SCN9A: variants seen among roughly 807,000 people sequenced by gnomAD.
SCN9A encodes the protein sodium voltage-gated channel alpha subunit 9, also known as sodium channel protein type 9 subunit alpha.
Under a neutral mutation model 187.0 loss-of-function variants are expected in SCN9A, and 131 were observed. The ratio of observed to expected loss-of-function variants is 0.70; its 90% CI spans 0.61 to 0.81. The LOEUF (loss-of-function observed/expected upper bound fraction) is 0.81. Among genes scored for constraint, SCN9A ranks in the 30% least tolerant of loss-of-function variants. The probability of loss-of-function intolerance (pLI) is 0.00; values close to 1 mark genes in which losing one functional copy is unlikely to be tolerated. For synonymous variants in SCN9A, 809 were observed against 808.6 expected (o/e 1.00, Z -0.01); for missense variants, 2,252 against 2,396.6 (o/e 0.94, Z 1.26).
At chr2:166,267,957 G>A (rs1696812628) in intron 17 of SCN9A, among the ~76,000 whole-genome samples, 1 of 151,916 alleles carries the variant, frequency 6.6e-6, no homozygotes, top group South Asian at 2.1e-4. Flanking sequence ...ATCCAGAACA[G>A]GCATTTGTAA....
At position 166,253,222 on chromosome 2, in the gene SCN9A, A is replaced by C. The variant is rs74783247; in HGVS notation, c.3352-1337T>G. Among the ~76,000 whole-genome samples, 986 of 151,940 alleles carry C rather than the reference A, an allele frequency of 6.5e-3. 4 individuals are homozygous for C. The highest frequency in any genetic ancestry group is 0.01 in the Non-Finnish European group (711 of 67,842). On this transcript the variant is annotated intron_variant, in intron 17 of 26. Transcript: ENST00000642356. The stretch of plus-strand genomic sequence containing the variant: ...ATGGCATGGATAAAGTATTGTACAT[A>C]AGGAATGATGTAAGCAGACAATGTC...
In SCN9A at chr2:166,280,398, T is replaced by C. The variant is rs1574856821; in HGVS notation, c.2302A>G (p.Met768Val). The change falls in exon 14 of 27, where the codon ATG becomes GTG. Residue 768 changes from methionine to valine, a missense_variant. Met to Val is a conservative substitution (Grantham distance 21). Transcript: ENST00000642356. ...TLFMAMEHHP[M>V]TEEFKNVLAI... ...AGTACATTTTTGAATTCCTCAGTCA[T>C]TGGGTGGTGTTCCATAGCCATAAAT... The C allele has an allele frequency of 6.3e-7, 1 of 1,588,480 alleles. No homozygotes were observed. The highest frequency in any genetic ancestry group is 8.6e-7 in the Non-Finnish European group (1 of 1,165,598).
intron 1 of SCN9A, among the ~76,000 whole-genome samples, chr2:166,356,539 T>C (rs1700154903): frequency 6.6e-6 from 1 of 152,194 alleles, no homozygotes; most frequent in Non-Finnish European, 1.5e-5. Flanking sequence ...AGAATAAATT[T>C]AGCCACAAAA....
At chr2:166,302,033 A>G (rs781584972) in intron 7 of SCN9A, 1 of 151,016 alleles carries the variant, frequency 6.6e-6, no homozygotes, top group East Asian at 1.9e-4. Context: ...GAAAGGACAC[A>G]TTTGGTAAAA....
chr2:166,353,051 CT>C (rs1221600800), intron 1 of SCN9A, among the ~76,000 whole-genome samples: 2 of 148,422 alleles, frequency 1.3e-5, no homozygotes, highest in Non-Finnish European at 3.0e-5. Flanking sequence ...TCACAAATTT[CT>C]TTTGAAAAAA....
chr2:166,345,796 C>T (rs960324171), intron 1 of SCN9A, among the ~76,000 whole-genome samples: 11 of 152,080 alleles, frequency 7.2e-5, no homozygotes, highest in South Asian at 4.1e-4. Flanking sequence ...ATAAAATAAA[C>T]GGGGCCTATG....
At chr2:166,299,977 T>C (rs1698484222) in intron 7 of SCN9A, among the ~76,000 whole-genome samples, 1 of 150,878 alleles carries the variant, frequency 6.6e-6, no homozygotes, top group East Asian at 1.9e-4. Flanking sequence ...CTACAGACTT[T>C]GTATGTTGAG....
chr2:166,335,872 T>C (rs899874615), intron 1 of SCN9A, among the ~76,000 whole-genome samples: 1 of 152,140 alleles, frequency 6.6e-6, no homozygotes, highest in African/African-American at 2.4e-5. Context: ...TTCTTGAATA[T>C]GAAAAATAAG....
chr2:166,201,152 G>C (rs1472623068), intron 26 of SCN9A, among the ~76,000 whole-genome samples: 1 of 148,994 alleles, frequency 6.7e-6, no homozygotes, highest in Non-Finnish European at 1.5e-5. Context: ...ATAGAACTTG[G>C]GTCAACAGTA....
At chr2:166,264,729 G>A (rs1696658077) in intron 17 of SCN9A, among the ~76,000 whole-genome samples, 1 of 151,894 alleles carries the variant, frequency 6.6e-6, no homozygotes, top group African/African-American at 2.4e-5. Flanking sequence ...CAGGATGCTA[G>A]GTCATAAAAG....
At chr2:166,248,059 T>C (rs1344655062) in intron 18 of SCN9A, 1 of 152,148 alleles carries the variant, frequency 6.6e-6, no homozygotes, top group African/African-American at 2.4e-5. Flanking sequence ...AAAGTGATAA[T>C]TATGAAGCTG....
Position 166,218,579 on chromosome 2 carries a change from T to A in SCN9A, c.4398+7988A>T, listed in dbSNP as rs537805403. Among the ~76,000 whole-genome samples, 5 of 152,124 alleles carry A rather than the reference T, an allele frequency of 3.3e-5. No individual in the cohort carries two copies. The South Asian group carries it at 1.0e-3, about 32-fold the overall frequency. ...TAGAGGAATAAATCTTAAGATGGAT[T>A]AAAGACTTAAATGTAAAATCTAAAA... On this transcript the variant is annotated intron_variant, in intron 24 of 26. Coordinates refer to ENST00000642356, the MANE Select transcript of SCN9A (RefSeq NM_001365536.1).
chr2:166,374,350 G>A (rs1041455741), intron 1 of SCN9A, among the ~76,000 whole-genome samples: 5 of 152,138 alleles, frequency 3.3e-5, no homozygotes, highest in African/African-American at 4.8e-5. Flanking sequence ...TGCCTAAATA[G>A]AGGGCACATT....
chr2:166,278,332 G>A lies in SCN9A; in HGVS notation c.2344-19C>T, dbSNP rs1375325372. Reference sequence around the variant, plus strand: ...TAAAGACCTAAGTGAGAAAAATAATGTTTTTCTGTTAATATTAGAAAACAG... The same window carrying A: ...TAAAGACCTAAGTGAGAAAAATAATATTTTTCTGTTAATATTAGAAAACAG... On this transcript the variant is annotated intron_variant, in intron 14 of 26. Transcript: ENST00000642356. 1 of 1,537,696 alleles carries A rather than the reference G, an allele frequency of 6.5e-7. No individual in the cohort carries two copies. The highest frequency in any genetic ancestry group is 8.8e-7 in the Non-Finnish European group (1 of 1,140,434).
chr2:166,226,523 TG>T (rs779998445), intron 24 of SCN9A, 43 bp downstream of exon 24: 1 of 1,305,888 alleles, frequency 7.7e-7, no homozygotes, highest in East Asian at 2.5e-5. Context: ...GGAAAATAAT[TG>T]TTCATCCCTT....
At chr2:166,339,324 T>C (rs752418228) in intron 1 of SCN9A, among the ~76,000 whole-genome samples, 2 of 152,172 alleles carry the variant, frequency 1.3e-5, no homozygotes, top group Non-Finnish European at 2.9e-5. Flanking sequence ...GACTCTCTGA[T>C]ATATAATGTA....
intron 12 of SCN9A, among the ~76,000 whole-genome samples, chr2:166,283,802 G>A (rs1394619658): frequency 2.6e-5 from 4 of 152,082 alleles, no homozygotes; most frequent in Non-Finnish European, 5.9e-5. Context: ...GCACATTGGA[G>A]AGATAGCAGA....
chr2:166,308,117 C>A (rs1318738010), intron 2 of SCN9A, among the ~76,000 whole-genome samples: 1 of 152,168 alleles, frequency 6.6e-6, no homozygotes, highest in Non-Finnish European at 1.5e-5. Context: ...TTCACTGTAT[C>A]AGTTCTATCT....
At position 166,228,247 on chromosome 2, in the gene SCN9A, C is replaced by CTTTTTTTTTTTTTTTTTTT. The variant is rs33924683; in HGVS notation, c.4206+425_4206+443dup. Among the ~76,000 whole-genome samples the CTTTTTTTTTTTTTTTTTTT allele has an allele frequency of 1.4e-4, 12 of 85,996 alleles. 3 individuals are homozygous for CTTTTTTTTTTTTTTTTTTT. Among genetic ancestry groups the CTTTTTTTTTTTTTTTTTTT allele is most frequent in the African/African-American group, 4.6e-4 (10 of 21,902 alleles). 56.4% of individuals were successfully genotyped at this position (85,996 alleles called of 152,430 possible). On this transcript the variant is annotated intron_variant, in intron 22 of 26. Coordinates refer to ENST00000642356, the MANE Select transcript of SCN9A (RefSeq NM_001365536.1). ...GAACATGTTCTAGGAAAGACCAACA[C>CTTTTTTTTTTTTTTTTTTT]TTTTTTTTTTTTTTTTTTTTTTTTT...
Sources: gnomAD v4.1 joint callset for allele counts (sites outside exome capture counted in the v4.1 genomes callset) on GRCh38, gnomAD v4.1.1 for gene constraint, MANE v1.5 for transcripts, NCBI Gene and HGNC (gene_info 2026-07-23, HGNC 2026-07-21) for gene names.